The following MCM10 variants were observed in gnomAD, a reference collection of about 807,000 sequenced individuals.
The protein encoded by MCM10 is protein MCM10 homolog.
MCM10 carries 91 observed loss-of-function variants against 109.9 expected under a neutral mutation model. That is an observed-to-expected ratio of 0.83 (90% confidence interval 0.70 to 0.99). The LOEUF is 0.99. Ranked by LOEUF, MCM10 falls within the 50% of genes least tolerant of loss-of-function variation. MCM10 has a pLI of 0.00. For synonymous variants in MCM10, 380 were observed against 387.2 expected (o/e 0.98, Z 0.22); for missense variants, 1,077 against 1,061.2 (o/e 1.01, Z -0.21).
At chr10:13,206,161 G>A (rs1834577989) in intron 18 of MCM10, among the ~76,000 whole-genome samples, 1 of 152,142 alleles carries the variant, frequency 6.6e-6, no homozygotes, top group Non-Finnish European at 1.5e-5. Flanking sequence ...CACATAGGTG[G>A]TACAGAATTC....
intron 8 of MCM10, among the ~76,000 whole-genome samples, chr10:13,184,614 T>A (rs2131573041): frequency 6.6e-6 from 1 of 152,334 alleles, no homozygotes; most frequent in East Asian, 1.9e-4. Context: ...TGGCAACAAA[T>A]CTTCCTCTAT....
chr10:13,199,415 C>T (rs1007047836), intron 16 of MCM10, among the ~76,000 whole-genome samples: 8 of 152,160 alleles, frequency 5.3e-5, no homozygotes, highest in African/African-American at 1.7e-4. Context: ...AATGGCTCTA[C>T]ACTGCTGCTA....
Position 13,195,286 on chromosome 10 carries a change from C to A in MCM10, c.1974+17C>A. ...GCCAAAAAGGTAACTGGCATCTCTT[C>A]TCTTTAGCACTTGAGTTTGCATTCT... is the stretch of plus-strand genomic sequence containing the variant. On this transcript the variant is annotated intron_variant, in intron 14 of 19. Transcript: ENST00000378714. 6.4e-7 allele frequency: 1 copy of A among 1,558,178 alleles called. No individual in the cohort carries two copies. The highest frequency in any genetic ancestry group is 1.2e-5 in the South Asian group (1 of 85,248).
rs969548194 is a variant in MCM10, at chr10:13,187,832, G to A, written c.1216-1049G>A. 1.2e-4 allele frequency among the ~76,000 whole-genome samples: 18 copies of A among 152,072 alleles called. 2 individuals carry two copies. The highest frequency in any genetic ancestry group is 7.9e-4 in the Admixed American group (12 of 15,254). ...AGTGAAGTACCCAACAGATCTCCCC[G>A]TGAGAATTAGATTCTTAAAAATCCA... On this transcript the variant is annotated intron_variant, in intron 9 of 19. Coordinates refer to ENST00000378714, the MANE Select transcript of MCM10 (RefSeq NM_018518.5).
chr10:13,176,054 TA>T (rs1453139684), intron 6 of MCM10, among the ~76,000 whole-genome samples: 2 of 152,234 alleles, frequency 1.3e-5, no homozygotes, highest in African/African-American at 4.8e-5. Flanking sequence ...TTAACCAGGA[TA>T]ATATTTATGC....
At chr10:13,161,865 A>T (rs1353234246) in intron 1 of MCM10, among the ~76,000 whole-genome samples, 1 of 151,844 alleles carries the variant, frequency 6.6e-6, no homozygotes, top group African/African-American at 2.4e-5. Context: ...AGTGCTTGCC[A>T]AGTGCCTGCC....
chr10:13,205,213 CTAT>C (rs1834563969), intron 18 of MCM10, among the ~76,000 whole-genome samples: 1 of 151,992 alleles, frequency 6.6e-6, no homozygotes, highest in African/African-American at 2.4e-5. Context: ...CCTTCGGTGT[CTAT>C]TATTCCGCCT....
At chr10:13,177,508 C>CTTTTT (rs60316855) in intron 6 of MCM10, among the ~76,000 whole-genome samples, 11 of 105,246 alleles carry the variant, frequency 1.0e-4, no homozygotes, top group Middle Eastern at 5.7e-3. Flanking sequence ...GATTTTGGAG[C>CTTTTT]TTTTTTTTTT....
At chr10:13,197,893 A>C (rs1834443394) in intron 15 of MCM10, 126 bp downstream of exon 15, 2 of 957,670 alleles carry the variant, frequency 2.1e-6, no homozygotes, top group South Asian at 1.9e-5. Flanking sequence ...GAATACCTAA[A>C]TAGAATTTCT....
chr10:13,203,183 G>A lies in MCM10; in HGVS notation c.2353-1036G>A, dbSNP rs149574959. Among the ~76,000 whole-genome samples the A allele has an allele frequency of 2.1e-3, 322 of 152,250 alleles. 4 individuals carry two copies. The highest frequency in any genetic ancestry group is 9.3e-3 in the South Asian group (45 of 4,828). On this transcript the variant is annotated intron_variant, in intron 17 of 19. Coordinates refer to ENST00000378714, the MANE Select transcript of MCM10 (RefSeq NM_018518.5). ...TTATTATCTCTTATGTAGGTCAGAA[G>A]TCTGTAGGGCTACAATCAGGGTGTA...
chr10:13,163,033 C>T (rs1451456570), intron 1 of MCM10, among the ~76,000 whole-genome samples: 6 of 151,174 alleles, frequency 4.0e-5, no homozygotes, highest in Non-Finnish European at 8.8e-5. Context: ...GAGCCAAGAT[C>T]GCCCCATTGC....
Position 13,180,531 on chromosome 10 carries a change from G to C in MCM10, c.854G>C (p.Arg285Thr). The C allele has an allele frequency of 6.2e-7, 1 of 1,614,156 alleles. No homozygotes were observed. The highest frequency in any genetic ancestry group is 8.5e-7 in the Non-Finnish European group (1 of 1,180,040). Residue 285 changes from arginine (R) to threonine (T), a missense_variant, in exon 7 of 20, where the codon AGA (arginine) becomes ACA (threonine). Coordinates refer to ENST00000378714, the MANE Select transcript of MCM10 (RefSeq NM_018518.5). ...TCTCAGATCAAGGAAAAGATGGCCA[G>C]AGAGAAGCTGGAAGAAATAGATTGG... is the stretch of plus-strand genomic sequence containing the variant. ...RLSQIKEKMAREKLEEIDWVT... is the reference protein window; with the variant it reads ...RLSQIKEKMATEKLEEIDWVT...
rs763652442 is a variant in MCM10 at position 13,191,346 on chromosome 10, A to G, written c.1463A>G (p.Asn488Ser). 1.2e-6 allele frequency: 2 copies of G among 1,614,064 alleles called. No individual in the cohort carries two copies. Among genetic ancestry groups the G allele is most frequent in the Non-Finnish European group, 8.5e-7 (1 of 1,180,034 alleles). The change falls in exon 11 of 20, where the codon AAT (asparagine) becomes AGT (serine). Residue 488 changes from asparagine to serine, a missense_variant. By Grantham distance (46) the Asn-to-Ser change is conservative. Coordinates refer to ENST00000378714, the MANE Select transcript of MCM10 (RefSeq NM_018518.5). ...AAGAAGATTCAAACCACTCTGAGTAATCTGGTTGTTAAGGGCACAAACTTG... is the reference window on the plus strand; with the variant it reads ...AAGAAGATTCAAACCACTCTGAGTAGTCTGGTTGTTAAGGGCACAAACTTG... ...PKKKIQTTLSNLVVKGTNLII... is the reference protein window; with the variant it reads ...PKKKIQTTLSSLVVKGTNLII...
At chr10:13,169,800 G>A (rs1485866460) in intron 2 of MCM10, among the ~76,000 whole-genome samples, 1 of 152,212 alleles carries the variant, frequency 6.6e-6, no homozygotes, top group Non-Finnish European at 1.5e-5. Flanking sequence ...CCACCTCCCA[G>A]GTTCCATCAA....
intron 18 of MCM10, 40 bp downstream of exon 18, chr10:13,204,404 T>C: frequency 6.2e-7 from 1 of 1,606,260 alleles, no homozygotes; most frequent in South Asian, 1.1e-5. Context: ...CACGTGGGGA[T>C]TTTCATCTCT....
chr10:13,164,651 C>T (rs1833970917), intron 2 of MCM10, among the ~76,000 whole-genome samples: 1 of 152,232 alleles, frequency 6.6e-6, no homozygotes, highest in Non-Finnish European at 1.5e-5. Flanking sequence ...ATTAGTCTAG[C>T]TCTGACTTAA....
intron 2 of MCM10, among the ~76,000 whole-genome samples, chr10:13,166,688 A>ATATATATATATATATATATATATATG (rs1435674336): frequency 1.5e-5 from 2 of 135,946 alleles, no homozygotes; most frequent in African/African-American, 6.1e-5. Flanking sequence ...ATATATATAT[A>ATATATATATATATATATATATATATG]TCATCAGCTA....
At chr10:13,195,398 A>G in intron 14 of MCM10, 129 bp downstream of exon 14, 1 of 699,976 alleles carries the variant, frequency 1.4e-6, no homozygotes, top group South Asian at 2.0e-5. Flanking sequence ...AAAACATGGT[A>G]GTGTCAACAT....
At chr10:13,171,411 G>C (rs1404336833) in intron 3 of MCM10, 148 bp downstream of exon 3, 2 of 774,516 alleles carry the variant, frequency 2.6e-6, no homozygotes, top group Non-Finnish European at 4.0e-6. Context: ...AATTATATGA[G>C]TTGGTAGATG....
Sources: allele counts gnomAD v4.1 joint callset (sites outside exome capture counted in the v4.1 genomes callset), GRCh38; gene constraint gnomAD v4.1.1; transcripts MANE v1.5; gene names NCBI Gene and HGNC (gene_info 2026-07-23, HGNC 2026-07-21).